HECTD4: variants seen among roughly 807,000 people sequenced by gnomAD.
The protein encoded by HECTD4 is HECT domain E3 ubiquitin protein ligase 4.
In HECTD4, 114 loss-of-function variants were observed where a neutral mutation model predicts 471.5. That is an observed-to-expected ratio of 0.24 (90% CI 0.21 to 0.28). The LOEUF is 0.28. Ranked by LOEUF, HECTD4 falls within the 10% of genes least tolerant of loss-of-function variation. The probability of loss-of-function intolerance (pLI) is 1.00; values close to 1 mark genes in which losing one functional copy is unlikely to be tolerated. For synonymous variants in HECTD4, 2,012 were observed against 2,256.0 expected (o/e 0.89, Z 3.07); for missense variants, 3,866 against 5,651.5 (o/e 0.68, Z 10.13).
chr12:112,228,282 C>A lies in HECTD4; in HGVS notation c.6685-24G>T. The A allele has an allele frequency of 6.5e-7, 1 of 1,535,580 alleles. No individual in the cohort carries two copies. The highest frequency in any genetic ancestry group is 8.7e-7 in the Non-Finnish European group (1 of 1,144,768). On this transcript the variant is annotated intron_variant, in intron 42 of 75. Coordinates refer to ENST00000682272, the MANE Select transcript of HECTD4 (RefSeq NM_001388303.1). The surrounding 1 kb of genome is among the most constrained non-coding windows in gnomAD (Gnocchi z 4.9). ...GCCTGATGGCGGTGGGGGGGCATGGCAAAAAGTTAAATTCAAGTAGTTAGT... is the reference window on the plus strand; with the variant it reads ...GCCTGATGGCGGTGGGGGGGCATGGAAAAAAGTTAAATTCAAGTAGTTAGT...
chr12:112,313,172 C>T (rs2035404614), intron 3 of HECTD4, 25 bp from the exon 4 acceptor site: 13 of 1,527,616 alleles, frequency 8.5e-6, no homozygotes, highest in African/African-American at 1.4e-5. Flanking sequence ...AAGAAAATCA[C>T]AAAGACACTG....
intron 1 of HECTD4, among the ~76,000 whole-genome samples, chr12:112,328,164 G>C (rs998114976): frequency 6.8e-6 from 1 of 146,192 alleles, no homozygotes; most frequent in East Asian, 2.9e-4. Context: ...TTTGAGACAG[G>C]GTCTTGCCCT....
chr12:112,245,537 G>C (rs1207165616), intron 29 of HECTD4, among the ~76,000 whole-genome samples: 6 of 152,116 alleles, frequency 3.9e-5, no homozygotes, highest in Admixed American at 2.6e-4. Flanking sequence ...GTCTTCCCCT[G>C]AAGTTCTCAG....
intron 1 of HECTD4, among the ~76,000 whole-genome samples, chr12:112,348,350 TCTA>T (rs1167230226): frequency 1.3e-5 from 2 of 152,184 alleles, no homozygotes; most frequent in African/African-American, 4.8e-5. Flanking sequence ...CCAAACAGAC[TCTA>T]CTATGCCCTT....
At chr12:112,210,293 T>C (rs1452610477) in intron 49 of HECTD4, 41 bp from the exon 50 acceptor site, 7 of 1,588,162 alleles carry the variant, frequency 4.4e-6, no homozygotes, top group Non-Finnish European at 6.0e-6. Context: ...AAGACTTACG[T>C]TTATTTTTAT....
intron 59 of HECTD4, among the ~76,000 whole-genome samples, chr12:112,191,182 G>C (rs2032066819): frequency 6.6e-6 from 1 of 152,236 alleles, no homozygotes; most frequent in Admixed American, 6.5e-5. Flanking sequence ...TCCGCTTACT[G>C]GGGTGGATTT....
At chr12:112,167,753 C>T (rs1448238671) in intron 71 of HECTD4, 61 bp downstream of exon 71, 1 of 1,447,038 alleles carries the variant, frequency 6.9e-7, no homozygotes, top group Non-Finnish European at 9.7e-7. Context: ...TGCCCGCCAC[C>T]CCAGCCACTG....
At chr12:112,298,052 G>A (rs747266707) in intron 7 of HECTD4, among the ~76,000 whole-genome samples, 3 of 152,104 alleles carry the variant, frequency 2.0e-5, no homozygotes, top group African/African-American at 4.8e-5. Context: ...GGTGAACTTC[G>A]GAAGAACTGT....
intron 49 of HECTD4, among the ~76,000 whole-genome samples, chr12:112,211,584 G>A (rs921426387): frequency 3.3e-5 from 5 of 151,984 alleles, no homozygotes; most frequent in Non-Finnish European, 7.4e-5. Context: ...ACTGGGAGAG[G>A]AGTCAGAACA....
In HECTD4 at chr12:112,298,480, A is replaced by T. The variant is rs975548641; in HGVS notation, c.1335+7584T>A. Among the ~76,000 whole-genome samples, 20 of 132,768 alleles carry T rather than the reference A, an allele frequency of 1.5e-4. No homozygotes were observed. In the East Asian group the frequency reaches 3.8e-3, roughly 25 times the overall value. 87.1% of individuals were successfully genotyped at this position (132,768 alleles called of 152,430 possible). On this transcript the variant is annotated intron_variant, in intron 7 of 75. Transcript: ENST00000682272. ...TTTTAATTTTTAAAAAATTATATTA[A>T]TTTTTTTTTTTTTTTTTTGGTAGAG...
chr12:112,285,260 T>A (rs1432852596), intron 7 of HECTD4, among the ~76,000 whole-genome samples: 2 of 152,158 alleles, frequency 1.3e-5, no homozygotes, highest in African/African-American at 4.8e-5. Context: ...AACATCTTCA[T>A]TTGCTTAAAT....
intron 44 of HECTD4, chr12:112,226,325 G>A: frequency 4.8e-6 from 1 of 207,420 alleles, no homozygotes; most frequent in Non-Finnish European, 9.7e-6. Context: ...GTACATGCCA[G>A]CCCTAAGGAC....
At chr12:112,248,232 CAATAGT>C in intron 26 of HECTD4, 61 bp from the exon 27 acceptor site, 1 of 1,524,288 alleles carries the variant, frequency 6.6e-7, no homozygotes, top group Non-Finnish European at 8.9e-7. Flanking sequence ...ATTTTAGTCA[CAATAGT>C]AATTTTAAAA....
In HECTD4 at chr12:112,163,796, G is replaced by A. The variant is rs2030807552; in HGVS notation, c.12702-59C>T. ...ACCGCCGAAGAGGCTGGGTCTGGGG[G>A]CCACACCCACTCAGCTGGAGGTCCC... On this transcript the variant is annotated intron_variant, in intron 73 of 75. Coordinates refer to ENST00000682272, the MANE Select transcript of HECTD4 (RefSeq NM_001388303.1). The surrounding 1 kb of genome is among the most constrained non-coding windows in gnomAD (Gnocchi z 8.2). 1 of 1,357,620 alleles carries A rather than the reference G, an allele frequency of 7.4e-7. No homozygotes were observed. Among genetic ancestry groups the A allele is most frequent in the Non-Finnish European group, 9.7e-7 (1 of 1,034,990 alleles). 84.1% of individuals were successfully genotyped at this position (1,357,620 alleles called of 1,614,324 possible).
At chr12:112,172,326 C>T (rs1345662073) in intron 67 of HECTD4, among the ~76,000 whole-genome samples, 1 of 152,262 alleles carries the variant, frequency 6.6e-6, no homozygotes, top group Non-Finnish European at 1.5e-5. Flanking sequence ...TGCAAGTTAT[C>T]AGACTATAAA....
intron 49 of HECTD4, 71 bp from the exon 50 acceptor site, chr12:112,210,323 G>A (rs1397494334): frequency 1.1e-5 from 17 of 1,495,916 alleles, no homozygotes; most frequent in South Asian, 3.5e-5. Flanking sequence ...AGCCCAAGGC[G>A]CAGCTCACTA....
At chr12:112,369,802 T>C (rs1410907400) in intron 1 of HECTD4, among the ~76,000 whole-genome samples, 2 of 152,144 alleles carry the variant, frequency 1.3e-5, no homozygotes, top group African/African-American at 4.8e-5. Flanking sequence ...ACCCAGCAAT[T>C]CCACTTACCC....
At chr12:112,297,051 G>A (rs2035046413) in intron 7 of HECTD4, among the ~76,000 whole-genome samples, 1 of 144,412 alleles carries the variant, frequency 6.9e-6, no homozygotes, top group Admixed American at 6.9e-5. Flanking sequence ...GGATATAGGT[G>A]CAGATGGTGT....
intron 7 of HECTD4, among the ~76,000 whole-genome samples, chr12:112,299,108 A>G (rs1400865163): frequency 1.3e-5 from 2 of 152,206 alleles, no homozygotes; most frequent in East Asian, 3.8e-4. Flanking sequence ...TATGCAAAAA[A>G]GAGAATAGTA....
Sources: gnomAD v4.1 joint callset for allele counts (sites outside exome capture counted in the v4.1 genomes callset) on GRCh38, gnomAD v4.1.1 for gene constraint, Gnocchi (gnomAD v3.1) non-coding constraint, MANE v1.5 for transcripts, NCBI Gene and HGNC (gene_info 2026-07-23, HGNC 2026-07-21) for gene names.